Variants in SLC14A2 observed in about 807,000 individuals in gnomAD.
SLC14A2 encodes solute carrier family 14 member 2, also known as urea transporter 2.
A neutral mutation model predicts 104.6 loss-of-function variants in SLC14A2; 91 were observed. The observed-to-expected ratio is 0.87, with a 90% CI of 0.73 to 1.04. SLC14A2 has a LOEUF of 1.04. Among genes scored for constraint, SLC14A2 ranks in the 50% least tolerant of loss-of-function variants. The probability of loss-of-function intolerance (pLI) is 0.00; values close to 1 mark genes in which losing one functional copy is unlikely to be tolerated. For missense variants in SLC14A2, 1,189 were observed against 1,156.0 expected (o/e 1.03, Z -0.41); for synonymous variants, 476 against 466.4 (o/e 1.02, Z -0.27).
At chr18:45,512,220 C>T (rs183077082) in intron 2 of SLC14A2, among the ~76,000 whole-genome samples, 1 of 152,118 alleles carries the variant, frequency 6.6e-6, no homozygotes, top group East Asian at 1.9e-4. Flanking sequence ...CAGATGAATT[C>T]CAGTCCCCAT....
intron 1 of SLC14A2, among the ~76,000 whole-genome samples, chr18:45,385,991 C>A (rs2085892204): frequency 6.6e-6 from 1 of 152,210 alleles, no homozygotes; most frequent in African/African-American, 2.4e-5. Flanking sequence ...AACACAATGA[C>A]TGCCCACAGG....
At position 45,289,806 on chromosome 18, in the gene SLC14A2, G is replaced by A. The variant is rs561204099; in HGVS notation, c.-125+76615G>A. Among the ~76,000 whole-genome samples, 76 of 152,268 alleles carry A rather than the reference G, an allele frequency of 5.0e-4. 1 individual carries two copies. Among genetic ancestry groups the A allele is most frequent in the Middle Eastern group, 3.4e-3 (1 of 294 alleles). On this transcript the variant is annotated intron_variant, in intron 1 of 20. Coordinates refer to the SLC14A2 transcript ENST00000586448. The stretch of plus-strand genomic sequence containing the variant: ...AAGTGCCAATGTGTCATGCAAGGAA[G>A]GGTTTTTGCTTCCTTTGAACATCAC...
upstream of SLC14A2, among the ~76,000 whole-genome samples, chr18:45,210,208 T>C (rs1047302588): frequency 3.3e-5 from 5 of 152,198 alleles, no homozygotes; most frequent in Non-Finnish European, 5.9e-5. Flanking sequence ...TTGGTATCAC[T>C]TTCTGCACCT....
intron 1 of SLC14A2, among the ~76,000 whole-genome samples, chr18:45,373,293 G>T (rs2085741600): frequency 6.6e-6 from 1 of 151,946 alleles, no homozygotes; most frequent in African/African-American, 2.4e-5. Context: ...ATATTATTCG[G>T]CTCCAGGCTC....
intron 7 of SLC14A2, among the ~76,000 whole-genome samples, chr18:45,640,220 G>C (rs960127482): frequency 2.0e-5 from 3 of 151,776 alleles, no homozygotes; most frequent in Non-Finnish European, 2.9e-5. Context: ...AGGTTGCAAT[G>C]AGCCAAGATC....
At chr18:45,517,686 TG>T (rs1423474315) in intron 2 of SLC14A2, among the ~76,000 whole-genome samples, 1 of 152,194 alleles carries the variant, frequency 6.6e-6, no homozygotes, top group Non-Finnish European at 1.5e-5. Flanking sequence ...TTGTAAATCT[TG>T]GAACTCGAGG....
At chr18:45,661,166 G>A (rs528036404) in intron 10 of SLC14A2, among the ~76,000 whole-genome samples, 72 of 152,308 alleles carry the variant, frequency 4.7e-4, no homozygotes, top group African/African-American at 1.7e-3. Flanking sequence ...TGTCAGCTCT[G>A]CCAGGGCAAT....
chr18:45,507,498 A>G (rs2043304464), intron 2 of SLC14A2: 1 of 152,278 alleles, frequency 6.6e-6, no homozygotes, highest in Non-Finnish European at 1.5e-5. Context: ...CTCAGGTCAC[A>G]CACATCCACA....
intron 1 of SLC14A2, among the ~76,000 whole-genome samples, chr18:45,404,096 T>C (rs759693479): frequency 7.9e-5 from 12 of 152,190 alleles, no homozygotes; most frequent in Non-Finnish European, 1.8e-4. Flanking sequence ...AAAACTCTAT[T>C]ACCTCTTCCC....
At chr18:45,385,087 A>G (rs1461695447) in intron 1 of SLC14A2, among the ~76,000 whole-genome samples, 2 of 152,242 alleles carry the variant, frequency 1.3e-5, no homozygotes, top group Admixed American at 6.5e-5. Flanking sequence ...GGAAGCTGAA[A>G]AACATCTGCA....
chr18:45,308,217 T>C (rs1401634347), intron 1 of SLC14A2, among the ~76,000 whole-genome samples: 1 of 152,186 alleles, frequency 6.6e-6, no homozygotes, highest in Non-Finnish European at 1.5e-5. Flanking sequence ...ACCCAAACCA[T>C]GTAAGTTGCT....
At chr18:45,428,701 T>C (rs775596737) in intron 1 of SLC14A2, among the ~76,000 whole-genome samples, 4 of 152,062 alleles carry the variant, frequency 2.6e-5, no homozygotes, top group African/African-American at 4.8e-5. Flanking sequence ...CAGAAGGAAA[T>C]AGCAAGTTTA....
intron 2 of SLC14A2, among the ~76,000 whole-genome samples, chr18:45,484,352 C>G (rs2087556330): frequency 6.6e-6 from 1 of 152,182 alleles, no homozygotes; most frequent in African/African-American, 2.4e-5. Context: ...TAGTCTCTGG[C>G]TAGTAGTTAC....
chr18:45,395,148 A>G (rs1376239595), intron 1 of SLC14A2, among the ~76,000 whole-genome samples: 4 of 152,326 alleles, frequency 2.6e-5, no homozygotes, highest in Admixed American at 1.3e-4. Context: ...CCATCAATGG[A>G]TGAATGGATT....
chr18:45,180,438 A>T, the SLC14A2 span, among the ~76,000 whole-genome samples: 3 of 152,216 alleles, frequency 2.0e-5, no homozygotes, highest in Non-Finnish European at 2.9e-5. Flanking sequence ...TTGAAGTATA[A>T]AAAATATGGG....
chr18:45,423,970 C>A (rs1453809274), intron 1 of SLC14A2: 1 of 152,144 alleles, frequency 6.6e-6, no homozygotes, highest in African/African-American at 2.4e-5. Flanking sequence ...TGGTTTTCTA[C>A]AATAGAGAAA....
upstream of SLC14A2, among the ~76,000 whole-genome samples, chr18:45,212,054 GAATT>G (rs1408131346): frequency 1.3e-5 from 2 of 151,846 alleles, no homozygotes; most frequent in East Asian, 1.9e-4. Context: ...TCATATATTG[GAATT>G]AATTCTTATA....
chr18:45,391,165 A>G (rs1236437199), intron 1 of SLC14A2, among the ~76,000 whole-genome samples: 1 of 151,846 alleles, frequency 6.6e-6, no homozygotes, highest in Non-Finnish European at 1.5e-5. Context: ...CACCTATGAG[A>G]ACATGTGGTG....
chr18:45,329,802 C>T (rs1818422355), intron 1 of SLC14A2, among the ~76,000 whole-genome samples: 1 of 152,162 alleles, frequency 6.6e-6, no homozygotes, highest in Non-Finnish European at 1.5e-5. Flanking sequence ...ACTATACATG[C>T]ATGGAGCCAA....
Sources: gnomAD v4.1 joint callset for allele counts (sites outside exome capture counted in the v4.1 genomes callset) on GRCh38, gnomAD v4.1.1 for gene constraint, MANE v1.5 for transcripts, NCBI Gene and HGNC (gene_info 2026-07-23, HGNC 2026-07-21) for gene names.